Variants in ECT2L observed in about 807,000 individuals in gnomAD.
The protein encoded by ECT2L is epithelial cell-transforming sequence 2 oncogene-like.
Under a neutral mutation model 122.8 loss-of-function variants are expected in ECT2L, and 126 were observed. That is an observed-to-expected ratio of 1.03 (90% CI 0.89 to 1.19). The LOEUF (loss-of-function observed/expected upper bound fraction) is 1.19. Among genes scored for constraint, ECT2L ranks in the 50% most tolerant of loss-of-function variants. The probability of loss-of-function intolerance (pLI) is 0.00; values close to 1 mark genes in which losing one functional copy is unlikely to be tolerated. For synonymous variants in ECT2L, 385 were observed against 381.8 expected (o/e 1.01, Z -0.10); for missense variants, 1,012 against 1,064.1 (o/e 0.95, Z 0.68).
chr6:138,868,738 G>A lies in ECT2L; in HGVS notation c.1578+532G>A, dbSNP rs368134410. Among the ~76,000 whole-genome samples, 15 of 152,272 alleles carry A rather than the reference G, an allele frequency of 9.9e-5. 1 individual carries two copies. The highest frequency in any genetic ancestry group is 3.6e-4 in the African/African-American group (15 of 41,570). On this transcript the variant is annotated intron_variant, in intron 13 of 21. Coordinates refer to ENST00000541398, the MANE Select transcript of ECT2L (RefSeq NM_001077706.3). ...ACAATTTCATCAGACACAGATCCAA[G>A]GTTCTCTCTCATTAAGGTCAGTCTA... is the stretch of plus-strand genomic sequence containing the variant.
At chr6:138,863,833 C>A (rs1777926655) in intron 11 of ECT2L, among the ~76,000 whole-genome samples, 1 of 150,310 alleles carries the variant, frequency 6.7e-6, no homozygotes, top group Non-Finnish European at 1.5e-5. Context: ...CCTGGATGGT[C>A]TTGATCTCCT....
In ECT2L at chr6:138,840,709, C is replaced by G. The variant is rs951012294; in HGVS notation, c.342+2195C>G. On this transcript the variant is annotated intron_variant, in intron 5 of 21. Coordinates refer to ENST00000541398, the MANE Select transcript of ECT2L (RefSeq NM_001077706.3). ...TCTAGCTGCTTTTTGGACTTTTTTTCTTTCATTTTCAGTAATGTTATTGTG... is the reference window on the plus strand; with the variant it reads ...TCTAGCTGCTTTTTGGACTTTTTTTGTTTCATTTTCAGTAATGTTATTGTG... 2.7e-5 allele frequency among the ~76,000 whole-genome samples: 4 copies of G among 147,136 alleles called. No individual in the cohort carries two copies. In the East Asian group the frequency reaches 8.0e-4, roughly 29 times the overall value.
intron 11 of ECT2L, 81 bp downstream of exon 11, chr6:138,862,800 A>G (rs1198127501): frequency 8.5e-7 from 1 of 1,170,020 alleles, no homozygotes; most frequent in Non-Finnish European, 1.3e-6. Flanking sequence ...TCCAGTTAAT[A>G]GTACTGGTAT....
intron 14 of ECT2L, among the ~76,000 whole-genome samples, chr6:138,877,995 T>G (rs1428221824): frequency 3.3e-5 from 5 of 152,178 alleles, no homozygotes; most frequent in African/African-American, 4.8e-5. Flanking sequence ...TCTCTTAAGT[T>G]TTTTTACATT....
At chr6:138,846,225 CT>C (rs1777215104) in intron 7 of ECT2L, among the ~76,000 whole-genome samples, 1 of 152,150 alleles carries the variant, frequency 6.6e-6, no homozygotes, top group Admixed American at 6.6e-5. Context: ...TCAGCTACTT[CT>C]TTTTAAATAT....
At chr6:138,891,938 A>T (rs1779044485) in intron 20 of ECT2L, among the ~76,000 whole-genome samples, 1 of 151,936 alleles carries the variant, frequency 6.6e-6, no homozygotes, top group South Asian at 2.1e-4. Context: ...ACTTTTTTTA[A>T]AATCCTGTTT....
intron 20 of ECT2L, among the ~76,000 whole-genome samples, chr6:138,899,628 C>T (rs1473675032): frequency 1.3e-5 from 2 of 152,092 alleles, no homozygotes; most frequent in Non-Finnish European, 1.5e-5. Flanking sequence ...TTTTGTAACA[C>T]TTTATGTTCC....
intron 20 of ECT2L, among the ~76,000 whole-genome samples, chr6:138,890,234 G>A (rs1475961464): frequency 3.3e-5 from 5 of 151,990 alleles, no homozygotes; most frequent in Admixed American, 2.0e-4. Context: ...TAATGACAAA[G>A]AGTGATTCAG....
rs370725836 is a variant in ECT2L, at chr6:138,868,095, A to G, written c.1475-8A>G. The stretch of plus-strand genomic sequence containing the variant: ...TCAATTACAGGGCATGTGGCCTTGT[A>G]TTTACAGGGCAGTTTATGTTTGACA... On this transcript the variant is annotated splice_region_variant and splice_polypyrimidine_tract_variant and intron_variant, in intron 12 of 21. Transcript: ENST00000541398. 5 of 1,589,860 alleles carry G rather than the reference A, an allele frequency of 3.1e-6. No homozygotes were observed. In the African/African-American group the frequency reaches 6.8e-5, roughly 21 times the overall value.
At chr6:138,871,814 C>T (rs1582640554) in intron 13 of ECT2L, among the ~76,000 whole-genome samples, 2 of 151,364 alleles carry the variant, frequency 1.3e-5, no homozygotes, top group East Asian at 3.9e-4. Flanking sequence ...CAAAAACAAA[C>T]AAACAAAAAA....
intron 10 of ECT2L, 47 bp downstream of exon 10, chr6:138,854,201 T>A (rs930168677): frequency 6.4e-7 from 1 of 1,552,750 alleles, no homozygotes; most frequent in Admixed American, 2.0e-5. Flanking sequence ...TGCCACTTCA[T>A]GGGGATATGT....
At chr6:138,832,376 T>A (rs1160941499) in intron 4 of ECT2L, among the ~76,000 whole-genome samples, 1 of 152,188 alleles carries the variant, frequency 6.6e-6, no homozygotes, top group African/African-American at 2.4e-5. Context: ...TGAGGTTATT[T>A]TCCAAAGGGA....
chr6:138,849,970 A>G (rs970997226), intron 9 of ECT2L, among the ~76,000 whole-genome samples: 4 of 152,130 alleles, frequency 2.6e-5, no homozygotes, highest in Non-Finnish European at 4.4e-5. Flanking sequence ...GTTGTGAAAC[A>G]GCTCTCCAAA....
chr6:138,897,060 AG>A (rs561200933), intron 20 of ECT2L, among the ~76,000 whole-genome samples: 8 of 152,200 alleles, frequency 5.3e-5, no homozygotes, highest in Non-Finnish European at 1.0e-4. Context: ...AAACACTTCT[AG>A]AATGGAGTTA....
At chr6:138,893,930 T>A (rs1401625970) in intron 20 of ECT2L, among the ~76,000 whole-genome samples, 1 of 152,228 alleles carries the variant, frequency 6.6e-6, no homozygotes, top group East Asian at 1.9e-4. Context: ...TGTAGCAGCC[T>A]ATCATTCCAG....
intron 13 of ECT2L, among the ~76,000 whole-genome samples, chr6:138,868,687 G>C (rs1778137245): frequency 6.6e-6 from 1 of 152,130 alleles, no homozygotes; most frequent in Non-Finnish European, 1.5e-5. Context: ...TTCGGCTGGG[G>C]ATGGGTGTAG....
rs1325526778 is a variant in ECT2L, at chr6:138,896,820, G to C, written c.2415-4128G>C. ...GCACCACCACACCTGGCTCATTTTT[G>C]TATTTTTAGTAGAGACGGGGTTTCG... On this transcript the variant is annotated intron_variant, in intron 20 of 21. Transcript: ENST00000541398. Among the ~76,000 whole-genome samples the C allele has an allele frequency of 2.0e-5, 3 of 152,042 alleles. No individual in the cohort carries two copies. In the East Asian group the frequency reaches 5.8e-4, roughly 29 times the overall value.
At chr6:138,899,476 A>G (rs1779324590) in intron 20 of ECT2L, among the ~76,000 whole-genome samples, 1 of 151,932 alleles carries the variant, frequency 6.6e-6, no homozygotes, top group South Asian at 2.1e-4. Context: ...AGCAAGTATA[A>G]AACAGTGGAA....
intron 20 of ECT2L, among the ~76,000 whole-genome samples, chr6:138,897,364 T>C (rs1001679642): frequency 2.6e-5 from 4 of 152,170 alleles, no homozygotes; most frequent in Non-Finnish European, 4.4e-5. Flanking sequence ...AAAAACCTCA[T>C]ACAGTATAAG....
Sources: allele counts gnomAD v4.1 joint callset (sites outside exome capture counted in the v4.1 genomes callset), GRCh38; gene constraint gnomAD v4.1.1; transcripts MANE v1.5; gene names NCBI Gene and HGNC (gene_info 2026-07-23, HGNC 2026-07-21).